The following PPP2R3A variants were observed in gnomAD, a reference collection of about 807,000 sequenced individuals.
PPP2R3A encodes protein phosphatase 2 regulatory subunit B''alpha, also known as serine/threonine-protein phosphatase 2A regulatory subunit B'' subunit alpha.
PPP2R3A carries 80 observed loss-of-function variants against 106.9 expected under a neutral mutation model. The ratio of observed to expected loss-of-function variants is 0.75; its 90% CI spans 0.62 to 0.90. The LOEUF is 0.90. Among genes scored for constraint, PPP2R3A ranks in the 40% least tolerant of loss-of-function variants. The pLI is 0.00. For missense variants in PPP2R3A, 1,386 were observed against 1,350.4 expected (o/e 1.03, Z -0.41); for synonymous variants, 483 against 468.3 (o/e 1.03, Z -0.41).
intron 4 of PPP2R3A, among the ~76,000 whole-genome samples, chr3:136,045,365 G>A (rs1277245287): frequency 6.6e-6 from 1 of 152,216 alleles, no homozygotes; most frequent in African/African-American, 2.4e-5. Flanking sequence ...CACAGTCCAG[G>A]AGTGCCAAGC....
intron 1 of PPP2R3A, among the ~76,000 whole-genome samples, chr3:135,976,062 G>C (rs1242193432): frequency 6.6e-6 from 1 of 152,110 alleles, no homozygotes; most frequent in Non-Finnish European, 1.5e-5. Flanking sequence ...TTTTCTGTCT[G>C]TTGGGTTGCA....
At chr3:136,055,250 AAG>A in intron 5 of PPP2R3A, 1 of 827,682 alleles carries the variant, frequency 1.2e-6, no homozygotes, top group Non-Finnish European at 2.1e-6. Flanking sequence ...GCTGCGTAAA[AAG>A]AAACATGAAG....
At chr3:136,062,796 C>A (rs1936121696) in intron 5 of PPP2R3A, among the ~76,000 whole-genome samples, 1 of 151,688 alleles carries the variant, frequency 6.6e-6, no homozygotes, top group Admixed American at 6.6e-5. Context: ...GAAGAACATT[C>A]CATGCTCATG....
At chr3:136,036,064 T>C (rs1935075484) in intron 3 of PPP2R3A, among the ~76,000 whole-genome samples, 1 of 152,118 alleles carries the variant, frequency 6.6e-6, no homozygotes, top group Non-Finnish European at 1.5e-5. Flanking sequence ...GTCCATTGTT[T>C]CCTGAAGTTT....
chr3:136,039,773 GTCCTTTTAC>G (rs760226942), intron 3 of PPP2R3A, among the ~76,000 whole-genome samples: 124 of 152,076 alleles, frequency 8.2e-4, no homozygotes, highest in South Asian at 3.3e-3. Context: ...AAAATAAATT[GTCCTTTTAC>G]TCTCATGAGA....
intron 5 of PPP2R3A, among the ~76,000 whole-genome samples, chr3:136,065,083 G>A (rs1936219312): frequency 6.6e-6 from 1 of 152,144 alleles, no homozygotes; most frequent in African/African-American, 2.4e-5. Context: ...GAACTATGAT[G>A]AATGAAAATT....
intron 13 of PPP2R3A, among the ~76,000 whole-genome samples, chr3:136,125,580 C>T (rs973069811): frequency 6.6e-6 from 1 of 152,116 alleles, no homozygotes; most frequent in African/African-American, 2.4e-5. Flanking sequence ...CCCGTGGTGG[C>T]TCACGCCTGT....
At chr3:136,064,183 C>T (rs1306629400) in intron 5 of PPP2R3A, among the ~76,000 whole-genome samples, 13 of 147,910 alleles carry the variant, frequency 8.8e-5, no homozygotes, top group East Asian at 4.0e-4. Context: ...AACCAAACAC[C>T]GCATGTTCTC....
At chr3:135,992,388 C>G (rs1378849393) in intron 1 of PPP2R3A, among the ~76,000 whole-genome samples, 2 of 152,182 alleles carry the variant, frequency 1.3e-5, no homozygotes, top group African/African-American at 2.4e-5. Flanking sequence ...CATGGACATT[C>G]AATCAACTCT....
intron 13 of PPP2R3A, among the ~76,000 whole-genome samples, chr3:136,126,078 C>G (rs1938169418): frequency 1.3e-5 from 2 of 152,202 alleles, no homozygotes; most frequent in Admixed American, 1.3e-4. Context: ...ATGATCGATG[C>G]AGAAGATGGG....
chr3:136,095,378 AT>A (rs1937192986), intron 10 of PPP2R3A, among the ~76,000 whole-genome samples: 2 of 152,254 alleles, frequency 1.3e-5, no homozygotes, highest in South Asian at 2.1e-4. Flanking sequence ...ACATATTGAG[AT>A]TCCATTCTTT....
intron 7 of PPP2R3A, 77 bp from the exon 8 acceptor site, chr3:136,082,188 G>T: frequency 7.8e-7 from 1 of 1,281,270 alleles, no homozygotes; most frequent in Non-Finnish European, 1.1e-6. Context: ...GTTTAAAACA[G>T]AAATTCGCTA....
chr3:136,113,153 A>C (rs1402809140), intron 13 of PPP2R3A, among the ~76,000 whole-genome samples: 2 of 151,364 alleles, frequency 1.3e-5, no homozygotes, highest in Non-Finnish European at 2.9e-5. Flanking sequence ...AAAAAGCCCG[A>C]ATAGCCAGAG....
intron 10 of PPP2R3A, among the ~76,000 whole-genome samples, chr3:136,096,160 T>TG (rs2107955963): frequency 6.6e-6 from 1 of 152,244 alleles, no homozygotes; most frequent in African/African-American, 2.4e-5. Context: ...TTCTAATGAG[T>TG]GCATGTGGCT....
chr3:135,972,351 AC>A (rs1937275160), intron 1 of PPP2R3A, among the ~76,000 whole-genome samples: 1 of 152,196 alleles, frequency 6.6e-6, no homozygotes, highest in Non-Finnish European at 1.5e-5. Context: ...TGGATATACT[AC>A]GTTTTGTTTA....
chr3:135,975,824 A>G (rs2107751782), intron 1 of PPP2R3A, among the ~76,000 whole-genome samples: 1 of 152,180 alleles, frequency 6.6e-6, no homozygotes, highest in Middle Eastern at 3.4e-3. Flanking sequence ...CTGTACTAAT[A>G]TTACATATAT....
At chr3:136,000,580 A>T (rs542527464) in intron 1 of PPP2R3A, among the ~76,000 whole-genome samples, 2 of 152,300 alleles carry the variant, frequency 1.3e-5, no homozygotes, top group East Asian at 3.9e-4. Context: ...AAGAACAGGT[A>T]CTAGGTGTTG....
At chr3:136,007,645 A>G (rs1040110371) in intron 2 of PPP2R3A, among the ~76,000 whole-genome samples, 1 of 152,202 alleles carries the variant, frequency 6.6e-6, no homozygotes, top group African/African-American at 2.4e-5. Flanking sequence ...TTTTGAGGAG[A>G]GGGTGCTTTC....
intron 9 of PPP2R3A, among the ~76,000 whole-genome samples, chr3:136,089,602 T>G (rs867838651): frequency 2.4e-4 from 36 of 148,108 alleles, no homozygotes; most frequent in Non-Finnish European, 4.3e-4. Context: ...TAGAATGGTG[T>G]TGTTTTTTTT....
Sources: allele counts gnomAD v4.1 joint callset (sites outside exome capture counted in the v4.1 genomes callset), GRCh38; gene constraint gnomAD v4.1.1; transcripts MANE v1.5; gene names NCBI Gene and HGNC (gene_info 2026-07-23, HGNC 2026-07-21).